The following RGPD2 variants were observed in gnomAD, a reference collection of about 807,000 sequenced individuals.
The protein encoded by RGPD2 is RANBP2-like and GRIP domain-containing protein 2.
In RGPD2, 2 loss-of-function variants were observed where a neutral mutation model predicts 36.0. The observed-to-expected ratio is 0.06, with a 90% CI of 0.02 to 0.17. RGPD2 has a LOEUF of 0.17. Among genes scored for constraint, RGPD2 ranks in the 10% least tolerant of loss-of-function variants. RGPD2 has a pLI of 1.00. For missense variants in RGPD2, 40 were observed against 464.3 expected, an observed-to-expected ratio of 0.09 and a Z score of 8.40; for synonymous variants, 19 against 163.8, an observed-to-expected ratio of 0.12 and a Z score of 6.75.
chr2:87,937,412 GT>G, the RGPD2 span, among the ~76,000 whole-genome samples: 36 of 151,734 alleles, frequency 2.4e-4, no homozygotes, highest in African/African-American at 8.2e-4. Flanking sequence ...AAAGAGAAAA[GT>G]TTTTTTTGGC....
chr2:87,857,346 A>G, the RGPD2 span, among the ~76,000 whole-genome samples: 1 of 152,034 alleles, frequency 6.6e-6, no homozygotes, highest in Non-Finnish European at 1.5e-5. Context: ...AAATATTTGT[A>G]TACTTTTTTT....
At chr2:87,843,775 T>C in the RGPD2 span, among the ~76,000 whole-genome samples, 2 of 152,062 alleles carry the variant, frequency 1.3e-5, no homozygotes, top group Admixed American at 6.5e-5. Flanking sequence ...ATGTTTATTG[T>C]GGCACTATTC....
the RGPD2 span, among the ~76,000 whole-genome samples, chr2:87,839,508 T>C: frequency 3.5e-3 from 528 of 152,048 alleles, 5 homozygotes; most frequent in African/African-American, 0.012. Context: ...CTATTCACAA[T>C]GGGAAATCAA....
At chr2:87,951,732 G>GCAC in the RGPD2 span, among the ~76,000 whole-genome samples, 1 of 145,610 alleles carries the variant, frequency 6.9e-6, no homozygotes, top group African/African-American at 2.5e-5. Flanking sequence ...TTACAGATGT[G>GCAC]TGCCACCACA....
At chr2:87,825,496 CCG>C (rs1686719280) in intron 1 of RGPD2, among the ~76,000 whole-genome samples, 160 bp downstream of exon 1, 8 of 74,106 alleles carry the variant, frequency 1.1e-4, no homozygotes, top group African/African-American at 4.4e-4. Context: ...CGCCGCCCGG[CCG>C]AGGCCGAGGC....
the RGPD2 span, among the ~76,000 whole-genome samples, chr2:87,843,064 G>C: frequency 1.3e-5 from 2 of 151,816 alleles, no homozygotes; most frequent in Non-Finnish European, 2.9e-5. Context: ...ATTAATTCAA[G>C]ATGGATTAAA....
At chr2:87,854,608 A>G in the RGPD2 span, among the ~76,000 whole-genome samples, 6 of 151,756 alleles carry the variant, frequency 4.0e-5, no homozygotes, top group Non-Finnish European at 2.9e-5. Flanking sequence ...CTGTGTTAGG[A>G]GGATTGGCTT....
the RGPD2 span, among the ~76,000 whole-genome samples, chr2:87,922,283 A>G: frequency 2.4e-5 from 3 of 123,478 alleles, no homozygotes; most frequent in Admixed American, 2.7e-4. Context: ...ACAGAGCTAG[A>G]CTTCGTCTCA....
chr2:87,927,266 A>G, the RGPD2 span, among the ~76,000 whole-genome samples: 5 of 130,166 alleles, frequency 3.8e-5, no homozygotes, highest in Admixed American at 3.8e-4. Context: ...TATTTATTGA[A>G]CTCATACTAT....
the RGPD2 span, among the ~76,000 whole-genome samples, chr2:87,958,169 A>G: frequency 6.6e-6 from 1 of 151,854 alleles, no homozygotes; most frequent in African/African-American, 2.4e-5. Context: ...AACAGACTCT[A>G]TTTCTCATGT....
At chr2:87,929,123 C>A in the RGPD2 span, among the ~76,000 whole-genome samples, 9 of 151,948 alleles carry the variant, frequency 5.9e-5, no homozygotes, top group East Asian at 1.7e-3. Flanking sequence ...AAATCTTTGC[C>A]CATGCCTATA....
At chr2:87,940,632 TTGTGTGTGTG>T in the RGPD2 span, among the ~76,000 whole-genome samples, 1 of 130,858 alleles carries the variant, frequency 7.6e-6, no homozygotes, top group East Asian at 2.2e-4. Flanking sequence ...AATTTTCTGT[TTGTGTGTGTG>T]TGTGTGTGTG....
the RGPD2 span, among the ~76,000 whole-genome samples, chr2:87,915,413 A>ATATATG: frequency 2.8e-4 from 40 of 141,920 alleles, 1 homozygote; most frequent in Non-Finnish European, 5.0e-4. Context: ...TATATATTGT[A>ATATATG]TATATGTATA....
At chr2:87,924,517 C>G in the RGPD2 span, among the ~76,000 whole-genome samples, 1 of 152,244 alleles carries the variant, frequency 6.6e-6, no homozygotes. Flanking sequence ...TTTTTCATCA[C>G]TTTTTTTCTA....
the RGPD2 span, among the ~76,000 whole-genome samples, chr2:87,954,994 CTTTTTTTTTT>C: frequency 6.3e-4 from 12 of 19,186 alleles, 2 homozygotes; most frequent in Admixed American, 1.8e-3. Flanking sequence ...CTGCTTGAAA[CTTTTTTTTTT>C]TTTTTTTTTT....
rs1467703327 is a variant in RGPD2 at position 87,807,374 on chromosome 2, T to C, written c.780-483A>G. 3.5e-5 allele frequency among the ~76,000 whole-genome samples: 5 copies of C among 144,180 alleles called. No homozygotes were observed. In the South Asian group the frequency reaches 1.0e-3, roughly 30 times the overall value. 94.6% of individuals were successfully genotyped at this position (144,180 alleles called of 152,430 possible). Reference sequence around the variant, plus strand: ...TTTACTATATAGATCATTACAGCGTTAAATTGTTTTTTTTTTTTTTTTTTT... The same window carrying C: ...TTTACTATATAGATCATTACAGCGTCAAATTGTTTTTTTTTTTTTTTTTTT... On this transcript the variant is annotated intron_variant, in intron 6 of 22. Transcript: ENST00000398146.
chr2:87,985,261 C>T, the RGPD2 span, among the ~76,000 whole-genome samples: 5 of 151,120 alleles, frequency 3.3e-5, no homozygotes, highest in African/African-American at 4.9e-5. Flanking sequence ...TACTTTAAAT[C>T]TCCCTCAAAT....
chr2:87,954,994 CTTTTTTTTTTT>C, the RGPD2 span, among the ~76,000 whole-genome samples: 33 of 19,190 alleles, frequency 1.7e-3, 5 homozygotes, highest in East Asian at 0.052. Flanking sequence ...CTGCTTGAAA[CTTTTTTTTTTT>C]TTTTTTTTTT....
chr2:87,978,913 T>C, the RGPD2 span, among the ~76,000 whole-genome samples: 1 of 131,170 alleles, frequency 7.6e-6, no homozygotes, highest in South Asian at 2.5e-4. Context: ...TGACACCCCG[T>C]CTCTTAAAAA....
Sources: allele counts gnomAD v4.1 joint callset (sites outside exome capture counted in the v4.1 genomes callset), GRCh38; gene constraint gnomAD v4.1.1; transcripts MANE v1.5; gene names NCBI Gene and HGNC (gene_info 2026-07-23, HGNC 2026-07-21).